Variants in ASIC2 observed in about 807,000 individuals in gnomAD.
ASIC2 encodes acid sensing ion channel subunit 2.
In ASIC2, 25 loss-of-function variants were observed where a neutral mutation model predicts 57.3. That is an observed-to-expected ratio of 0.44 (90% CI 0.32 to 0.61). The LOEUF (loss-of-function observed/expected upper bound fraction) is 0.61, where lower values mean the gene tolerates loss of function less well. Ranked by LOEUF, ASIC2 falls within the 20% of genes least tolerant of loss-of-function variation. The pLI is 0.06. For synonymous variants in ASIC2, 319 were observed against 307.5 expected (o/e 1.04, Z -0.39); for missense variants, 641 against 738.1 (o/e 0.87, Z 1.52).
chr17:33,838,797 C>A (rs908096453), intron 1 of ASIC2, among the ~76,000 whole-genome samples: 2 of 152,126 alleles, frequency 1.3e-5, no homozygotes, highest in Non-Finnish European at 2.9e-5. Context: ...CTGCCCCAAC[C>A]CAACCAAATG....
At chr17:33,597,395 C>T (rs1466723408) in intron 1 of ASIC2, among the ~76,000 whole-genome samples, 1 of 152,202 alleles carries the variant, frequency 6.6e-6, no homozygotes, top group Non-Finnish European at 1.5e-5. Context: ...CATTTAACAG[C>T]AAGTGCTTGG....
intron 1 of ASIC2, among the ~76,000 whole-genome samples, chr17:33,707,988 C>G (rs937288867): frequency 2.6e-5 from 4 of 152,172 alleles, no homozygotes; most frequent in Non-Finnish European, 5.9e-5. Context: ...ATCTGCACCT[C>G]CCACTCTGCC....
At chr17:33,808,556 C>G (rs1255169045) in intron 1 of ASIC2, among the ~76,000 whole-genome samples, 3 of 152,144 alleles carry the variant, frequency 2.0e-5, no homozygotes, top group Non-Finnish European at 2.9e-5. Flanking sequence ...TGCCAATATC[C>G]ACAGAATAAC....
intron 1 of ASIC2, among the ~76,000 whole-genome samples, chr17:33,836,874 A>T (rs1913290128): frequency 6.6e-6 from 1 of 152,108 alleles, no homozygotes; most frequent in African/African-American, 2.4e-5. Flanking sequence ...AGTTAAGCAG[A>T]TTTCCCAAGG....
intron 1 of ASIC2, among the ~76,000 whole-genome samples, chr17:33,618,955 C>T (rs182445562): frequency 4.6e-5 from 7 of 152,224 alleles, no homozygotes; most frequent in African/African-American, 1.2e-4. Context: ...CTTCAAATTC[C>T]GGGCCCAAAA....
intron 1 of ASIC2, among the ~76,000 whole-genome samples, chr17:33,784,750 C>T (rs1357992185): frequency 6.6e-6 from 1 of 152,140 alleles, no homozygotes; most frequent in Non-Finnish European, 1.5e-5. Context: ...ATGTCCAGTG[C>T]TCAAGAGCCA....
chr17:33,044,733 GAT>G (rs1384501452), intron 3 of ASIC2, among the ~76,000 whole-genome samples: 1 of 152,184 alleles, frequency 6.6e-6, no homozygotes, highest in Admixed American at 6.5e-5. Context: ...AGATGAATAA[GAT>G]ATGATTCCTA....
At chr17:33,303,393 G>C (rs116861047) in intron 1 of ASIC2, among the ~76,000 whole-genome samples, 303 of 152,236 alleles carry the variant, frequency 2.0e-3, no homozygotes, top group Non-Finnish European at 3.5e-3. Flanking sequence ...AAAACTATAC[G>C]AGCCCACTTG....
rs535739367 is a variant in ASIC2 at position 33,131,283 on chromosome 17, C to T, written c.709-19216G>A. ...AGGAAAAAAATCTACATAGACCCTT[C>T]TATTGATAAAATTTTAGGTTTCTAG... is the stretch of plus-strand genomic sequence containing the variant. On this transcript the variant is annotated intron_variant, in intron 1 of 9. Coordinates refer to ENST00000225823, the MANE Select transcript of ASIC2 (RefSeq NM_183377.2). Among the ~76,000 whole-genome samples the T allele has an allele frequency of 9.2e-5, 14 of 152,284 alleles. No homozygotes were observed. In the East Asian group the frequency reaches 2.5e-3, roughly 27 times the overall value.
At chr17:33,084,107 T>C (rs2092124902) in intron 3 of ASIC2, among the ~76,000 whole-genome samples, 1 of 152,156 alleles carries the variant, frequency 6.6e-6, no homozygotes, top group Non-Finnish European at 1.5e-5. Flanking sequence ...GGTGCAGAAC[T>C]GCTGTCAGCC....
intron 1 of ASIC2, among the ~76,000 whole-genome samples, chr17:33,432,669 G>A (rs1306199836): frequency 6.6e-6 from 1 of 152,102 alleles, no homozygotes; most frequent in Non-Finnish European, 1.5e-5. Context: ...TGTTCATGTT[G>A]TCAGCAAGTC....
At chr17:33,639,163 G>A (rs1906473214) in intron 1 of ASIC2, among the ~76,000 whole-genome samples, 1 of 151,892 alleles carries the variant, frequency 6.6e-6, no homozygotes, top group African/African-American at 2.4e-5. Context: ...GGTGCAGAAT[G>A]CCAGACGTGA....
At chr17:33,470,406 G>C (rs566617484) in intron 1 of ASIC2, among the ~76,000 whole-genome samples, 9 of 152,302 alleles carry the variant, frequency 5.9e-5, no homozygotes, top group Non-Finnish European at 8.8e-5. Context: ...AGTCTGATGA[G>C]CGTTTTTGGT....
chr17:33,168,500 T>C (rs1325226395), intron 1 of ASIC2, among the ~76,000 whole-genome samples: 1 of 152,162 alleles, frequency 6.6e-6, no homozygotes, highest in Non-Finnish European at 1.5e-5. Flanking sequence ...GGTAGAAATA[T>C]GGATGATAAA....
chr17:33,235,890 G>A (rs563127671), intron 1 of ASIC2, among the ~76,000 whole-genome samples: 9 of 152,236 alleles, frequency 5.9e-5, no homozygotes, highest in African/African-American at 2.2e-4. Flanking sequence ...AGGCTGGAGT[G>A]CAATGGTGCA....
At chr17:33,502,573 G>A (rs954754503) in intron 1 of ASIC2, among the ~76,000 whole-genome samples, 1 of 152,198 alleles carries the variant, frequency 6.6e-6, no homozygotes, top group Admixed American at 6.5e-5. Flanking sequence ...GCAGATTATA[G>A]CTGACAGATT....
chr17:34,084,451 T>C (rs1412877397), intron 1 of ASIC2, among the ~76,000 whole-genome samples: 1 of 152,232 alleles, frequency 6.6e-6, no homozygotes, highest in Non-Finnish European at 1.5e-5. Flanking sequence ...ACTGTAGCCT[T>C]GTAGTATAGT....
Position 34,122,106 on chromosome 17 carries a change from T to A in ASIC2, c.555+33872A>T, listed in dbSNP as rs374915686. Among the ~76,000 whole-genome samples, 75 of 152,366 alleles carry A rather than the reference T, an allele frequency of 4.9e-4. No homozygotes were observed. In the South Asian group the frequency reaches 0.015, roughly 30 times the overall value. On this transcript the variant is annotated intron_variant, in intron 1 of 9. Transcript: ENST00000359872. ...CTTTTATTTATTTCATCTGTTATATTTATTTTACTTGTTGCCTTTTAATAC... is the reference window on the plus strand; with the variant it reads ...CTTTTATTTATTTCATCTGTTATATATATTTTACTTGTTGCCTTTTAATAC...
intron 1 of ASIC2, among the ~76,000 whole-genome samples, chr17:33,889,412 G>A (rs1478758370): frequency 6.6e-6 from 1 of 152,066 alleles, no homozygotes; most frequent in Non-Finnish European, 1.5e-5. Context: ...TTTTGATAAG[G>A]AGTACCTGCA....
Sources: gnomAD v4.1 joint callset for allele counts (sites outside exome capture counted in the v4.1 genomes callset) on GRCh38, gnomAD v4.1.1 for gene constraint, MANE v1.5 for transcripts, NCBI Gene and HGNC (gene_info 2026-07-23, HGNC 2026-07-21) for gene names.